Variants in ATP23 observed in about 807,000 individuals in gnomAD.
ATP23 encodes ATP23 metallopeptidase and ATP synthase assembly factor homolog.
ATP23 carries 24 observed loss-of-function variants against 28.5 expected under a neutral mutation model. The ratio of observed to expected loss-of-function variants is 0.84; its 90% CI spans 0.61 to 1.18. The LOEUF is 1.18. Ranked by LOEUF, ATP23 falls within the 50% of genes most tolerant of loss-of-function variation. The pLI is 0.00. For synonymous variants in ATP23, 99 were observed against 108.6 expected (o/e 0.91, Z 0.55); for missense variants, 274 against 306.4 (o/e 0.89, Z 0.79).
At chr12:57,945,006 G>T (rs776100379) in intron 1 of ATP23, among the ~76,000 whole-genome samples, 1 of 152,138 alleles carries the variant, frequency 6.6e-6, no homozygotes, top group Non-Finnish European at 1.5e-5. Flanking sequence ...CTGTGCTGTT[G>T]TTCACTTCTA....
At chr12:57,948,355 T>C (rs527436128) in intron 3 of ATP23, among the ~76,000 whole-genome samples, 20 of 152,356 alleles carry the variant, frequency 1.3e-4, no homozygotes, top group Non-Finnish European at 2.9e-4. Flanking sequence ...CAATATGGGC[T>C]CACTGCAACC....
chr12:57,952,634 C>T (rs532156611), intron 4 of ATP23, among the ~76,000 whole-genome samples: 4 of 152,248 alleles, frequency 2.6e-5, no homozygotes, highest in South Asian at 2.1e-4. Context: ...TATATAACTT[C>T]GATTATTTCC....
chr12:57,942,614 G>A (rs367835308), intron 1 of ATP23, among the ~76,000 whole-genome samples: 1 of 152,100 alleles, frequency 6.6e-6, no homozygotes, highest in Non-Finnish European at 1.5e-5. Flanking sequence ...TAGTAGAGAC[G>A]GGTTTTCACC....
rs1565871618 is a variant in ATP23 at position 57,941,883 on chromosome 12, A to G, written c.182A>G (p.Glu61Gly). 6.2e-7 allele frequency: 1 copy of G among 1,613,302 alleles called. No homozygotes were observed. The highest frequency in any genetic ancestry group is 8.5e-7 in the Non-Finnish European group (1 of 1,179,712). ...CAGCTTAGGCTCCTGAAGACGCTGGAGACAAGTAGGAGCCATGACCTGGAG... is the reference window on the plus strand; with the variant it reads ...CAGCTTAGGCTCCTGAAGACGCTGGGGACAAGTAGGAGCCATGACCTGGAG... ...KCQLRLLKTL[E>G]TNPYVKLLLD... is the part of the protein sequence containing the mutation. Residue 61 changes from glutamate to glycine, a missense_variant, in exon 1 of 6, where the codon GAG becomes GGG. By Grantham distance (98) the Glu-to-Gly change is moderately conservative. Transcript: ENST00000300145.
In ATP23 at chr12:57,956,684, T is replaced by C. The variant is rs1956870067; in HGVS notation, c.538-3T>C. On this transcript the variant is annotated splice_polypyrimidine_tract_variant and splice_region_variant and intron_variant, in intron 5 of 5. Transcript: ENST00000300145. Reference sequence around the variant, plus strand: ...AGAGCCTCATACTTTTCCTTCTTTTTAGACTTGTGTGCGAGACAGAGCCAC... The same window carrying C: ...AGAGCCTCATACTTTTCCTTCTTTTCAGACTTGTGTGCGAGACAGAGCCAC... The C allele has an allele frequency of 6.3e-7, 1 of 1,588,298 alleles. No individual in the cohort carries two copies. The highest frequency in any genetic ancestry group is 1.2e-5 in the South Asian group (1 of 85,692).
At chr12:57,942,488 A>C (rs1956715583) in intron 1 of ATP23, among the ~76,000 whole-genome samples, 1 of 148,750 alleles carries the variant, frequency 6.7e-6, no homozygotes, top group Non-Finnish European at 1.5e-5. Context: ...CAGTGGCGCG[A>C]TCTTTGCTCA....
Position 57,941,663 on chromosome 12 carries a change from CTG to C in ATP23, c.-38_-37del. On this transcript the variant is annotated 5_prime_UTR_variant, in exon 1 of 6. Transcript: ENST00000300145. The stretch of plus-strand genomic sequence containing the variant: ...CCTTTCCCAGTCTCGCTCTGGCCGC[CTG>C]AGCCAGGAGGAAGCAGCGGCGAGGT... 1 of 1,590,110 alleles carries C rather than the reference CTG, an allele frequency of 6.3e-7. No individual in the cohort carries two copies. Among genetic ancestry groups the C allele is most frequent in the Non-Finnish European group, 8.6e-7 (1 of 1,169,472 alleles).
chr12:57,942,022 G>T (rs1956709901), intron 1 of ATP23, 134 bp downstream of exon 1: 1 of 1,101,550 alleles, frequency 9.1e-7, no homozygotes, highest in Admixed American at 3.6e-5. Flanking sequence ...GCATCATGGG[G>T]GCTGGGTTGG....
At chr12:57,943,093 G>A (rs76012931) in intron 1 of ATP23, among the ~76,000 whole-genome samples, 4 of 152,122 alleles carry the variant, frequency 2.6e-5, no homozygotes, top group Admixed American at 2.0e-4. Context: ...AGGAGGAAGG[G>A]GAGTTGAGGG....
At chr12:57,953,818 G>T in intron 5 of ATP23, 129 bp downstream of exon 5, 3 of 814,146 alleles carry the variant, frequency 3.7e-6, no homozygotes, top group Non-Finnish European at 5.9e-6. Flanking sequence ...TACAAAGTAT[G>T]TACCATTTAA....
In ATP23 at chr12:57,957,692, G is replaced by C. The variant is rs115054389; in HGVS notation, c.*802G>C. On this transcript the variant is annotated 3_prime_UTR_variant, in exon 6 of 6. Coordinates refer to ENST00000300145, the MANE Select transcript of ATP23 (RefSeq NM_033276.4). ...TGGAGCTGAGTTAATTTAGAGAGCCGAGCGAAATACAGGGGTAGAGCAAGC... is the reference window on the plus strand; with the variant it reads ...TGGAGCTGAGTTAATTTAGAGAGCCCAGCGAAATACAGGGGTAGAGCAAGC... Among the ~76,000 whole-genome samples the C allele has an allele frequency of 2.8e-3, 427 of 152,242 alleles. 2 individuals carry two copies. Among genetic ancestry groups the C allele is most frequent in the African/African-American group, 9.6e-3 (398 of 41,520 alleles).
chr12:57,943,433 A>C (rs952427643), intron 1 of ATP23, among the ~76,000 whole-genome samples: 2 of 152,114 alleles, frequency 1.3e-5, no homozygotes, highest in African/African-American at 4.8e-5. Context: ...TAATCTCAGC[A>C]CTTTGGGGAG....
At chr12:57,953,244 A>C (rs1406742548) in intron 4 of ATP23, among the ~76,000 whole-genome samples, 2 of 152,158 alleles carry the variant, frequency 1.3e-5, no homozygotes, top group Non-Finnish European at 2.9e-5. Flanking sequence ...TTCTACAAGT[A>C]TTTGTATCTT....
chr12:57,950,568 A>G (rs983542881), intron 3 of ATP23, among the ~76,000 whole-genome samples: 3 of 149,172 alleles, frequency 2.0e-5, no homozygotes, highest in African/African-American at 7.5e-5. Flanking sequence ...TTTCTTGCCC[A>G]GGCTGGAGTT....
chr12:57,949,803 G>A (rs1390361315), intron 3 of ATP23: 2 of 152,016 alleles, frequency 1.3e-5, no homozygotes, highest in Non-Finnish European at 2.9e-5. Context: ...CCTACTTAAG[G>A]GTCTTAAGGA....
At chr12:57,946,210 A>G (rs569760402) in intron 2 of ATP23, among the ~76,000 whole-genome samples, 2 of 152,136 alleles carry the variant, frequency 1.3e-5, no homozygotes, top group East Asian at 3.9e-4. Context: ...TGATTAATAA[A>G]GACAGTACTC....
chr12:57,955,733 C>T (rs1035504181), intron 5 of ATP23, among the ~76,000 whole-genome samples: 5 of 152,044 alleles, frequency 3.3e-5, no homozygotes, highest in African/African-American at 9.7e-5. Context: ...TTTCTTGTTC[C>T]TTTATGCCTG....
intron 3 of ATP23, among the ~76,000 whole-genome samples, chr12:57,950,675 C>T (rs1055011951): frequency 2.0e-4 from 31 of 151,994 alleles, no homozygotes; most frequent in African/African-American, 7.5e-4. Context: ...TAGGCATGTG[C>T]CACCATGCCT....
In ATP23 at chr12:57,941,850, A is replaced by G; in HGVS notation, c.149A>G (p.Gln50Arg). 1 of 1,613,054 alleles carries G rather than the reference A, an allele frequency of 6.2e-7. No individual in the cohort carries two copies. The highest frequency in any genetic ancestry group is 2.2e-5 in the East Asian group (1 of 44,746). Reference protein sequence around the residue: ...GFFSSFFTSNQKCQLRLLKTL... With the variant: ...GFFSSFFTSNRKCQLRLLKTL... ...TTCTCCAGCTTCTTCACCAGCAACCAGAAGTGCCAGCTTAGGCTCCTGAAG... is the reference window on the plus strand; with the variant it reads ...TTCTCCAGCTTCTTCACCAGCAACCGGAAGTGCCAGCTTAGGCTCCTGAAG... Residue 50 changes from glutamine to arginine, a missense_variant, in exon 1 of 6, where the codon CAG becomes CGG. Coordinates refer to ENST00000300145, the MANE Select transcript of ATP23 (RefSeq NM_033276.4).
Sources: gnomAD v4.1 joint callset for allele counts (sites outside exome capture counted in the v4.1 genomes callset) on GRCh38, gnomAD v4.1.1 for gene constraint, MANE v1.5 for transcripts, NCBI Gene and HGNC (gene_info 2026-07-23, HGNC 2026-07-21) for gene names.